Variants in ASTN2 observed in about 807,000 individuals in gnomAD.
ASTN2 encodes astrotactin 2.
In ASTN2, 54 loss-of-function variants were observed where a neutral mutation model predicts 139.8. The ratio of observed to expected loss-of-function variants is 0.39; its 90% CI spans 0.31 to 0.48. ASTN2 has a LOEUF of 0.48. Ranked by LOEUF, ASTN2 falls within the 20% of genes least tolerant of loss-of-function variation. The pLI is 0.95. For missense variants in ASTN2, 1,565 were observed against 1,725.1 expected, an observed-to-expected ratio of 0.91 and a Z score of 1.64; for synonymous variants, 756 against 719.5, an observed-to-expected ratio of 1.05 and a Z score of -0.81.
At chr9:116,976,909 G>T in intron 7 of ASTN2, 124 bp from the exon 8 acceptor site, 1 of 757,464 alleles carries the variant, frequency 1.3e-6, no homozygotes, top group Non-Finnish European at 2.2e-6. Context: ...CACATGGAAA[G>T]AGGGTAATCT....
intron 4 of ASTN2, 67 bp downstream of exon 4, chr9:117,141,258 TC>T: frequency 7.6e-7 from 1 of 1,322,778 alleles, no homozygotes. Context: ...TGCACAGATC[TC>T]CCTAGCATCT....
chr9:116,945,598 G>A (rs568411828), intron 10 of ASTN2, among the ~76,000 whole-genome samples: 5 of 151,462 alleles, frequency 3.3e-5, no homozygotes, highest in Non-Finnish European at 5.9e-5. Context: ...TTCTCTTTAT[G>A]TTTCTCCCTT....
rs952848447 is a variant in ASTN2, at chr9:117,298,658, A to G, written c.443-7145T>C. On this transcript the variant is annotated intron_variant, in intron 1 of 22. Transcript: ENST00000313400. ...CTTTTACTACTGTCTTGGTGTGTGTATATATATATGTGTATATATATATAT... is the reference window on the plus strand; with the variant it reads ...CTTTTACTACTGTCTTGGTGTGTGTGTATATATATGTGTATATATATATAT... 7.5e-5 allele frequency among the ~76,000 whole-genome samples: 7 copies of G among 93,262 alleles called. No homozygotes were observed. In the South Asian group the frequency reaches 1.2e-3, roughly 16 times the overall value. The allele number at this position is 93,262 out of a possible 152,430, so 61.2% of individuals were successfully genotyped here.
At chr9:116,439,426 TCC>T (rs1847773179) in intron 22 of ASTN2, among the ~76,000 whole-genome samples, 3 of 139,642 alleles carry the variant, frequency 2.1e-5, no homozygotes, top group South Asian at 6.5e-4. Context: ...GGTCTCGATC[TCC>T]TGACCTCGTG....
Position 116,606,638 on chromosome 9 carries a change from AGTCT to A in ASTN2, c.3355+11682_3355+11685del, listed in dbSNP as rs144820018. Among the ~76,000 whole-genome samples the A allele has an allele frequency of 1.2e-3, 180 of 152,276 alleles. 4 individuals carry two copies. The East Asian group carries it at 0.027, about 23-fold the overall frequency. On this transcript the variant is annotated intron_variant, in intron 19 of 22. Transcript: ENST00000313400. The stretch of plus-strand genomic sequence containing the variant: ...TAATCCTAACTGTCTAACCAAAACA[AGTCT>A]TAAACCTTATTTTGTTTTCTTCCTA...
chr9:117,056,101 A>C (rs1839056056), intron 5 of ASTN2, among the ~76,000 whole-genome samples: 1 of 152,176 alleles, frequency 6.6e-6, no homozygotes, highest in South Asian at 2.1e-4. Context: ...ATCCCTCCCC[A>C]GTTGAAGCTT....
intron 19 of ASTN2, among the ~76,000 whole-genome samples, chr9:116,606,227 T>C (rs547250955): frequency 6.6e-6 from 1 of 152,276 alleles, no homozygotes; most frequent in African/African-American, 2.4e-5. Flanking sequence ...AGACTACTTA[T>C]GCTTGGCTTT....
intron 5 of ASTN2, among the ~76,000 whole-genome samples, chr9:117,044,821 C>T (rs1012319543): frequency 6.6e-6 from 1 of 152,170 alleles, no homozygotes; most frequent in Admixed American, 6.5e-5. Context: ...AACAAAACAG[C>T]GAAAGCCCTT....
chr9:116,536,460 C>G (rs966886458), intron 19 of ASTN2, among the ~76,000 whole-genome samples: 1 of 152,130 alleles, frequency 6.6e-6, no homozygotes, highest in Non-Finnish European at 1.5e-5. Flanking sequence ...AGCTTTTCTG[C>G]TCTGCTTTTT....
chr9:116,745,653 C>T (rs1201390259), intron 13 of ASTN2, among the ~76,000 whole-genome samples: 1 of 152,200 alleles, frequency 6.6e-6, no homozygotes, highest in African/African-American at 2.4e-5. Context: ...GGTATAGACA[C>T]AGTCCCTAAT....
chr9:117,232,026 C>T (rs1832907940), intron 2 of ASTN2, among the ~76,000 whole-genome samples: 1 of 152,108 alleles, frequency 6.6e-6, no homozygotes, highest in Admixed American at 6.5e-5. Context: ...GGAGACAGAG[C>T]TGGAGTAACT....
chr9:117,170,645 T>C (rs760725097), intron 3 of ASTN2, among the ~76,000 whole-genome samples: 8 of 152,040 alleles, frequency 5.3e-5, no homozygotes, highest in Non-Finnish European at 8.8e-5. Context: ...ATGGGGAAAG[T>C]AACATGTATG....
chr9:117,071,278 T>C (rs1422965802), intron 5 of ASTN2, among the ~76,000 whole-genome samples: 1 of 151,366 alleles, frequency 6.6e-6, no homozygotes, highest in Non-Finnish European at 1.5e-5. Flanking sequence ...CCGTGTGAGG[T>C]GTCAGTGTGC....
At chr9:116,479,323 G>A (rs1849092712) in intron 20 of ASTN2, among the ~76,000 whole-genome samples, 1 of 152,128 alleles carries the variant, frequency 6.6e-6, no homozygotes, top group Non-Finnish European at 1.5e-5. Context: ...GTAAATAAAG[G>A]GAAACATTGG....
chr9:116,930,385 T>C (rs1168606395), intron 10 of ASTN2, among the ~76,000 whole-genome samples: 1 of 152,154 alleles, frequency 6.6e-6, no homozygotes, highest in African/African-American at 2.4e-5. Flanking sequence ...TTCTTCCTTA[T>C]GTAACCAGGG....
chr9:116,756,931 T>A (rs972586689), intron 13 of ASTN2, among the ~76,000 whole-genome samples: 4 of 152,062 alleles, frequency 2.6e-5, no homozygotes, highest in Admixed American at 6.6e-5. Context: ...CTTTGTGAGG[T>A]TTCCAGGGTG....
chr9:117,270,108 G>A (rs975521946), intron 2 of ASTN2, among the ~76,000 whole-genome samples: 6 of 152,186 alleles, frequency 3.9e-5, no homozygotes, highest in South Asian at 2.1e-4. Context: ...CTAGCTGTGC[G>A]AGTTTGAAGG....
intron 8 of ASTN2, 91 bp from the exon 9 acceptor site, chr9:116,976,279 A>G: frequency 1.0e-6 from 1 of 994,100 alleles, no homozygotes; most frequent in South Asian, 1.4e-5. Flanking sequence ...AGCTTTACAA[A>G]CAACCAAACT....
chr9:117,215,137 G>C (rs564175907), intron 2 of ASTN2, among the ~76,000 whole-genome samples: 1 of 152,222 alleles, frequency 6.6e-6, no homozygotes, highest in African/African-American at 2.4e-5. Context: ...TCTGAATCTA[G>C]ACTCCATCTC....
Sources: gnomAD v4.1 joint callset for allele counts (sites outside exome capture counted in the v4.1 genomes callset) on GRCh38, gnomAD v4.1.1 for gene constraint, MANE v1.5 for transcripts, NCBI Gene and HGNC (gene_info 2026-07-23, HGNC 2026-07-21) for gene names.